CA7: variants seen among roughly 807,000 people sequenced by gnomAD.
CA7 encodes the protein carbonic anhydrase 7.
Under a neutral mutation model 31.4 loss-of-function variants are expected in CA7, and 13 were observed. The observed-to-expected ratio is 0.41, with a 90% CI of 0.27 to 0.66. CA7 has a LOEUF of 0.66. CA7 is among the 30% of genes least tolerant of loss of function. CA7 has a pLI of 0.28. For missense variants in CA7, 215 were observed against 351.0 expected (o/e 0.61, Z 3.10); for synonymous variants, 128 against 133.2 (o/e 0.96, Z 0.27).
At position 66,853,719 on chromosome 16, in the gene CA7, C is replaced by T. The variant is rs1961115387; in HGVS notation, c.*221C>T. On this transcript the variant is annotated 3_prime_UTR_variant, in exon 7 of 7. Transcript: ENST00000338437. The surrounding 1 kb of genome is among the most constrained non-coding windows in gnomAD (Gnocchi z 4.5). ...AGGAAGGACAGGAGCTAAGCAGGGT[C>T]CAAGCCTGGGGCTGCCTCTGCTCTC... The T allele has an allele frequency of 1.7e-6, 1 of 571,840 alleles. No homozygotes were observed. Among genetic ancestry groups the T allele is most frequent in the South Asian group, 2.5e-5 (1 of 40,594 alleles). The allele number at this position is 571,840 out of a possible 1,614,324, so 35.4% of individuals were successfully genotyped here. A position where few individuals can be genotyped will look rare whatever the true frequency, so the allele number is the denominator to read the frequency against.
chr16:66,848,920 C>T (rs1567505900), intron 2 of CA7, among the ~76,000 whole-genome samples: 1 of 152,206 alleles, frequency 6.6e-6, no homozygotes, highest in African/African-American at 2.4e-5. Context: ...GCCCCACCCA[C>T]AGCTACTACT....
chr16:66,851,339 G>T, intron 3 of CA7, 124 bp from the exon 4 acceptor site: 1 of 846,654 alleles, frequency 1.2e-6, no homozygotes, highest in Non-Finnish European at 2.0e-6. Context: ...CCTAATCCTT[G>T]GAGGCTTGAC....
intron 5 of CA7, 144 bp from the exon 6 acceptor site, chr16:66,852,568 A>G (rs867511359): frequency 1.9e-6 from 1 of 539,836 alleles, no homozygotes; most frequent in Non-Finnish European, 2.9e-6. Context: ...GAAAGAAAGA[A>G]AAAGAAAGAA....
intron 2 of CA7, among the ~76,000 whole-genome samples, chr16:66,848,339 C>T (rs1470688851): frequency 2.0e-5 from 3 of 152,148 alleles, no homozygotes; most frequent in African/African-American, 4.8e-5. Context: ...GGGGAGGGGG[C>T]GTGGGGCTCT....
intron 5 of CA7, 66 bp from the exon 6 acceptor site, chr16:66,852,646 G>T: frequency 6.1e-6 from 7 of 1,146,792 alleles, no homozygotes; most frequent in Non-Finnish European, 8.3e-6. Flanking sequence ...GATGGGTGGA[G>T]AAGTTGCTGG....
intron 2 of CA7, among the ~76,000 whole-genome samples, chr16:66,847,599 G>A (rs191642015): frequency 7.9e-5 from 12 of 152,238 alleles, no homozygotes. Flanking sequence ...GTGTGATCTG[G>A]CCAAGCCTAG....
chr16:66,847,467 C>A (rs545354129), intron 2 of CA7, among the ~76,000 whole-genome samples: 1 of 152,322 alleles, frequency 6.6e-6, no homozygotes, highest in South Asian at 2.1e-4. Context: ...AGATCTGGCA[C>A]ACAGCAGATG....
At chr16:66,849,021 A>C (rs1331382299) in intron 2 of CA7, among the ~76,000 whole-genome samples, 1 of 152,108 alleles carries the variant, frequency 6.6e-6, no homozygotes, top group Non-Finnish European at 1.5e-5. Context: ...CTCCTGCTTA[A>C]GGAGGCCACA....
chr16:66,850,437 ACT>A (rs1961015773), intron 2 of CA7, 102 bp from the exon 3 acceptor site: 1 of 743,440 alleles, frequency 1.3e-6, no homozygotes, highest in Non-Finnish European at 2.4e-6. Context: ...CGAGACCCTG[ACT>A]CAAAAAAAAA....
At chr16:66,844,701 G>T (rs965157255) in intron 1 of CA7, among the ~76,000 whole-genome samples, 174 bp downstream of exon 1, 1 of 152,222 alleles carries the variant, frequency 6.6e-6, no homozygotes, top group Non-Finnish European at 1.5e-5. Context: ...GGTCCCCCGC[G>T]CCAGACGCAA....
Position 66,852,610 on chromosome 16 carries a change from AAAAGAAAAGAAAAAAG to A in CA7, c.517-94_517-79del, listed in dbSNP as rs1213244279. 202 of 774,320 alleles carry A rather than the reference AAAAGAAAAGAAAAAAG, an allele frequency of 2.6e-4. 2 individuals are homozygous for A. The South Asian group carries it at 8.2e-3, about 32-fold the overall frequency. 48.0% of individuals were successfully genotyped at this position (774,320 alleles called of 1,614,324 possible). The stretch of plus-strand genomic sequence containing the variant: ...AGAAAAAAAAAAGAAAAGAAAAGAA[AAAAGAAAAGAAAAAAG>A]AAAGAAAGAGATGGGTGGAGAAGTT... On this transcript the variant is annotated intron_variant, in intron 5 of 6. Transcript: ENST00000338437.
At chr16:66,846,960 A>G (rs538115679) in intron 1 of CA7, 70 bp from the exon 2 acceptor site, 23 of 1,318,064 alleles carry the variant, frequency 1.7e-5, no homozygotes, top group Middle Eastern at 2.0e-4. Flanking sequence ...CCATTCCCCT[A>G]TGGGTGTCCT....
chr16:66,853,721 A>G lies in CA7; in HGVS notation c.*223A>G. 1 of 566,522 alleles carries G rather than the reference A, an allele frequency of 1.8e-6. No individual in the cohort carries two copies. The highest frequency in any genetic ancestry group is 3.1e-6 in the Non-Finnish European group (1 of 324,486). 35.1% of individuals were successfully genotyped at this position (566,522 alleles called of 1,614,324 possible). On this transcript the variant is annotated 3_prime_UTR_variant, in exon 7 of 7. Coordinates refer to ENST00000338437, the MANE Select transcript of CA7 (RefSeq NM_005182.3). The surrounding 1 kb of genome is among the most constrained non-coding windows in gnomAD (Gnocchi z 4.5). ...GAAGGACAGGAGCTAAGCAGGGTCCAAGCCTGGGGCTGCCTCTGCTCTCCA... is the reference window on the plus strand; with the variant it reads ...GAAGGACAGGAGCTAAGCAGGGTCCGAGCCTGGGGCTGCCTCTGCTCTCCA...
chr16:66,852,974 G>A lies in CA7; in HGVS notation c.672+107G>A, dbSNP rs989515050. On this transcript the variant is annotated intron_variant, in intron 6 of 6. Coordinates refer to ENST00000338437, the MANE Select transcript of CA7 (RefSeq NM_005182.3). ...CACAGCCCGTGATCCCACCTTCAAGGTTCCTCCCCATTTTTTACTAATAAA... is the reference window on the plus strand; with the variant it reads ...CACAGCCCGTGATCCCACCTTCAAGATTCCTCCCCATTTTTTACTAATAAA... The A allele has an allele frequency of 4.0e-6, 4 of 998,988 alleles. No homozygotes were observed. The African/African-American group carries it at 6.5e-5, about 16-fold the overall frequency. The allele number at this position is 998,988 out of a possible 1,614,324, so 61.9% of individuals were successfully genotyped here. A position where few individuals can be genotyped will look rare whatever the true frequency, so the allele number is the denominator to read the frequency against.
Position 66,853,072 on chromosome 16 carries a change from T to C in CA7, c.672+205T>C, listed in dbSNP as rs1431815808. Among the ~76,000 whole-genome samples, 16 of 152,206 alleles carry C rather than the reference T, an allele frequency of 1.1e-4. 1 individual carries two copies. The highest frequency in any genetic ancestry group is 9.8e-4 in the Admixed American group (15 of 15,282). On this transcript the variant is annotated intron_variant, in intron 6 of 6. Transcript: ENST00000338437. This position sits in a 1 kb window ranked among gnomAD's most constrained non-coding sequence, Gnocchi z 4.5. Reference sequence around the variant, plus strand: ...CCTAGACACTGGCTGGGAGCGGGGATACCTGGATCCTGGGACCCCCACCCC... The same window carrying C: ...CCTAGACACTGGCTGGGAGCGGGGACACCTGGATCCTGGGACCCCCACCCC...
rs186026826 is a variant in CA7 at position 66,852,237 on chromosome 16, C to T, written c.517-475C>T. Among the ~76,000 whole-genome samples, 646 of 152,114 alleles carry T rather than the reference C, an allele frequency of 4.2e-3. 3 individuals are homozygous for T. Among genetic ancestry groups the T allele is most frequent in the Middle Eastern group, 0.017 (5 of 294 alleles). On this transcript the variant is annotated intron_variant, in intron 5 of 6. Transcript: ENST00000338437. ...CAGCACTTTGGGAGGCCGAGGCAGG[C>T]GGATCACTTGAGGTCAGGAGTTCAA...
rs1961049299 is a variant in CA7 at position 66,851,495 on chromosome 16, C to T, written c.390C>T (p.Tyr130=). ...TGGTTCACTGGAATGCCAAGAAGTA[C>T]AGCACTTTTGGGGAGGCGGCCTCAG... ...LHLVHWNAKK[Y]STFGEAASAP... is the part of the protein sequence containing the mutation. Residue 130 remains tyrosine (Y), a synonymous_variant, in exon 4 of 7, where the codon TAC becomes TAT. Coordinates refer to ENST00000338437, the MANE Select transcript of CA7 (RefSeq NM_005182.3). 5 of 1,614,184 alleles carry T rather than the reference C, an allele frequency of 3.1e-6. No individual in the cohort carries two copies. In the East Asian group the frequency reaches 1.1e-4, roughly 36 times the overall value.
chr16:66,845,901 T>A (rs1047033119), intron 1 of CA7, among the ~76,000 whole-genome samples: 1 of 152,048 alleles, frequency 6.6e-6, no homozygotes, highest in African/African-American at 2.4e-5. Flanking sequence ...AGGACAGAGG[T>A]GCCGGCATGC....
chr16:66,844,927 G>C (rs1440720182), intron 1 of CA7: 30 of 1,020,704 alleles, frequency 2.9e-5, no homozygotes, highest in Non-Finnish European at 3.0e-5. Context: ...TGCGGGGAGC[G>C]CGCACGGCAA....
Sources: gnomAD v4.1 joint callset for allele counts (sites outside exome capture counted in the v4.1 genomes callset) on GRCh38, gnomAD v4.1.1 for gene constraint, Gnocchi (gnomAD v3.1) non-coding constraint, MANE v1.5 for transcripts, NCBI Gene and HGNC (gene_info 2026-07-23, HGNC 2026-07-21) for gene names.